RAP1GAP2: variants seen among roughly 807,000 people sequenced by gnomAD.
RAP1GAP2 encodes the protein RAP1 GTPase activating protein 2.
In RAP1GAP2, 27 loss-of-function variants were observed where a neutral mutation model predicts 95.0. The ratio of observed to expected loss-of-function variants is 0.28; its 90% confidence interval spans 0.21 to 0.39. The LOEUF (loss-of-function observed/expected upper bound fraction) is 0.39, where lower values mean the gene tolerates loss of function less well. Ranked by LOEUF, RAP1GAP2 falls within the 10% of genes least tolerant of loss-of-function variation. The pLI, the probability that RAP1GAP2 is intolerant of heterozygous loss-of-function variation, is 1.00. For missense variants in RAP1GAP2, 771 were observed against 970.0 expected, an observed-to-expected ratio of 0.79 and a Z score of 2.72; for synonymous variants, 373 against 380.9, an observed-to-expected ratio of 0.98 and a Z score of 0.24.
chr17:2,938,150 G>A (rs1192859764), intron 3 of RAP1GAP2, among the ~76,000 whole-genome samples: 1 of 152,114 alleles, frequency 6.6e-6, no homozygotes, highest in Non-Finnish European at 1.5e-5. Context: ...CAGCACGTAC[G>A]TCATGTCCTA....
chr17:2,877,878 G>T (rs72819269), intron 2 of RAP1GAP2, among the ~76,000 whole-genome samples: 4,166 of 152,232 alleles, frequency 0.027, 260 homozygotes, highest in East Asian at 0.23. Flanking sequence ...GGTCCCTGTA[G>T]CTCCTGGGGG....
intron 17 of RAP1GAP2, among the ~76,000 whole-genome samples, chr17:3,013,554 G>A (rs1357145029): frequency 6.6e-6 from 1 of 151,780 alleles, no homozygotes; most frequent in Admixed American, 6.6e-5. Flanking sequence ...TGCTGACTCC[G>A]GCGGCTGCAC....
At chr17:2,984,924 C>T in intron 10 of RAP1GAP2, 59 bp from the exon 11 acceptor site, 3 of 1,596,162 alleles carry the variant, frequency 1.9e-6, no homozygotes, top group South Asian at 2.3e-5. Flanking sequence ...CCATGTGCTT[C>T]CTCACTTGCT....
chr17:3,023,658 T>C lies in RAP1GAP2; in HGVS notation c.1752-2350T>C, dbSNP rs144210700. Among the ~76,000 whole-genome samples, 54 of 152,332 alleles carry C rather than the reference T, an allele frequency of 3.5e-4. No homozygotes were observed. The East Asian group carries it at 0.01, about 28-fold the overall frequency. On this transcript the variant is annotated intron_variant, in intron 19 of 24. Transcript: ENST00000254695. ...TTACTTTTTTCTTTTATTATTATAC[T>C]TTAAGTTCTGGAATATAAGTGCAGA...
At chr17:2,801,149 A>G (rs2069275103) in intron 2 of RAP1GAP2, among the ~76,000 whole-genome samples, 1 of 150,604 alleles carries the variant, frequency 6.6e-6, no homozygotes, top group African/African-American at 2.4e-5. Context: ...CGCCTAGCCC[A>G]GACCCATTAT....
intron 3 of RAP1GAP2, among the ~76,000 whole-genome samples, chr17:2,911,860 A>G (rs2042393164): frequency 1.3e-5 from 2 of 152,136 alleles, no homozygotes; most frequent in South Asian, 2.1e-4. Context: ...AGAGCATTTC[A>G]CTGAAGTCCA....
At chr17:2,788,591 T>G (rs553627379) in intron 1 of RAP1GAP2, among the ~76,000 whole-genome samples, 1 of 152,146 alleles carries the variant, frequency 6.6e-6, no homozygotes, top group Non-Finnish European at 1.5e-5. Context: ...CAGCCAGGCA[T>G]GAGCCACTGC....
At chr17:2,854,226 T>C (rs978830248) in intron 2 of RAP1GAP2, 55 of 874,660 alleles carry the variant, frequency 6.3e-5, no homozygotes, top group Middle Eastern at 1.2e-3. Flanking sequence ...CCTCTCCAGG[T>C]ACCGTCGTGC....
chr17:3,019,233 G>A (rs2046875834), intron 18 of RAP1GAP2, among the ~76,000 whole-genome samples: 1 of 152,144 alleles, frequency 6.6e-6, no homozygotes, highest in African/African-American at 2.4e-5. Context: ...AGGGAATCAT[G>A]TAGTTGGGCC....
chr17:2,960,810 C>G (rs1000183788), intron 4 of RAP1GAP2, among the ~76,000 whole-genome samples: 1 of 152,230 alleles, frequency 6.6e-6, no homozygotes, highest in Admixed American at 6.5e-5. Flanking sequence ...GGACCTGTTT[C>G]TTCTAGTTTG....
At chr17:2,948,817 G>C (rs138509702) in intron 3 of RAP1GAP2, among the ~76,000 whole-genome samples, 1,523 of 152,182 alleles carry the variant, frequency 0.01, 22 homozygotes, top group African/African-American at 0.035. Flanking sequence ...GAGGGCACAG[G>C]GTGGTGAGAT....
Position 2,963,844 on chromosome 17 carries a change from C to T in RAP1GAP2, c.280-12C>T, listed in dbSNP as rs761824086. The T allele has an allele frequency of 1.3e-6, 2 of 1,580,256 alleles. No individual in the cohort carries two copies. The highest frequency in any genetic ancestry group is 2.7e-5 in the African/African-American group (2 of 74,340). On this transcript the variant is annotated splice_polypyrimidine_tract_variant and intron_variant, in intron 6 of 24. Coordinates refer to ENST00000254695, the MANE Select transcript of RAP1GAP2 (RefSeq NM_015085.5). This position sits in a 1 kb window ranked among gnomAD's most constrained non-coding sequence, Gnocchi z 4.8. The stretch of plus-strand genomic sequence containing the variant: ...GTCCCAGGGGAGCGCACGACCCTCC[C>T]TCTGCCTTCAGGTTGTGGAGAAGGG...
intron 3 of RAP1GAP2, among the ~76,000 whole-genome samples, chr17:2,950,891 G>C (rs1052071293): frequency 2.0e-5 from 3 of 152,146 alleles, no homozygotes; most frequent in Non-Finnish European, 2.9e-5. Flanking sequence ...GATTATAGGC[G>C]TGAGCCACCG....
chr17:2,778,134 T>C (rs1355533109), intron 1 of RAP1GAP2, among the ~76,000 whole-genome samples: 1 of 145,412 alleles, frequency 6.9e-6, no homozygotes, highest in Non-Finnish European at 1.5e-5. Flanking sequence ...TGGGGGAGGC[T>C]CTGCCCTCAG....
intron 2 of RAP1GAP2, among the ~76,000 whole-genome samples, chr17:2,811,414 C>T (rs2151499003): frequency 6.6e-6 from 1 of 152,310 alleles, no homozygotes; most frequent in Admixed American, 6.5e-5. Context: ...TCGTCTGTGA[C>T]GTGCTGGCCC....
At chr17:2,933,052 G>A (rs544816658) in intron 3 of RAP1GAP2, among the ~76,000 whole-genome samples, 12 of 152,332 alleles carry the variant, frequency 7.9e-5, no homozygotes, top group South Asian at 6.2e-4. Flanking sequence ...CAGTGTCCCC[G>A]CGTACAGGGC....
rs1567678169 is a variant in RAP1GAP2, at chr17:2,820,903, T to TTGTTTGTTTTTTG, written c.80+20354_80+20355insGTTTGTTTTTTGT. On this transcript the variant is annotated intron_variant, in intron 2 of 24. Transcript: ENST00000254695. ...CGGCCCGGATAATGGTTTTTTTTTTTTTTTTTGTATTTTTAGTAGAGATAG... is the reference window on the plus strand; with the variant it reads ...CGGCCCGGATAATGGTTTTTTTTTTTTGTTTGTTTTTTGTTTTTTGTATTTTTAGTAGAGATAG... 1.1e-3 allele frequency among the ~76,000 whole-genome samples: 155 copies of TTGTTTGTTTTTTG among 145,970 alleles called. 2 individuals carry two copies. The highest frequency in any genetic ancestry group is 3.8e-3 in the African/African-American group (148 of 38,856).
exon 2 of RAP1GAP2, chr17:2,770,332 C>T (rs559608891): frequency 1.5e-4 from 61 of 398,630 alleles, no homozygotes; most frequent in Middle Eastern, 6.3e-4. Context: ...CCCACAGGTA[C>T]GTGCAGGAAG....
chr17:3,027,830 C>T lies in RAP1GAP2; in HGVS notation c.2107+760C>T, dbSNP rs565681669. On this transcript the variant is annotated intron_variant, in intron 22 of 24. Transcript: ENST00000254695. This position sits in a 1 kb window ranked among gnomAD's most constrained non-coding sequence, Gnocchi z 5.2. Reference sequence around the variant, plus strand: ...GAGGGGAGCTGCGGCAGAAGCACCTCGGTTCAGGAGAGATCAAGGAGGTAA... The same window carrying T: ...GAGGGGAGCTGCGGCAGAAGCACCTTGGTTCAGGAGAGATCAAGGAGGTAA... Among the ~76,000 whole-genome samples the T allele has an allele frequency of 4.6e-5, 7 of 151,240 alleles. No homozygotes were observed. Among genetic ancestry groups the T allele is most frequent in the South Asian group, 2.1e-4 (1 of 4,738 alleles).
Sources: allele counts gnomAD v4.1 joint callset (sites outside exome capture counted in the v4.1 genomes callset), GRCh38; gene constraint gnomAD v4.1.1; non-coding constraint Gnocchi (gnomAD v3.1); transcripts MANE v1.5; gene names NCBI Gene and HGNC (gene_info 2026-07-23, HGNC 2026-07-21).